UNC13C: variants seen among roughly 807,000 people sequenced by gnomAD.
UNC13C encodes unc-13 homolog C, also known as protein unc-13 homolog C.
UNC13C carries 174 observed loss-of-function variants against 245.4 expected under a neutral mutation model. The observed-to-expected ratio is 0.71, with a 90% CI of 0.63 to 0.80. The LOEUF (loss-of-function observed/expected upper bound fraction) is 0.80. Ranked by LOEUF, UNC13C falls within the 30% of genes least tolerant of loss-of-function variation. The pLI is 0.00. For synonymous variants in UNC13C, 992 were observed against 895.1 expected (o/e 1.11, Z -1.93); for missense variants, 2,829 against 2,602.9 (o/e 1.09, Z -1.89).
intron 2 of UNC13C, among the ~76,000 whole-genome samples, chr15:54,039,845 C>A (rs902414226): frequency 2.0e-5 from 3 of 151,274 alleles, no homozygotes; most frequent in African/African-American, 7.3e-5. Flanking sequence ...CCTTTCCAGC[C>A]CCCCATCCTT....
At chr15:54,125,016 A>G (rs2030940617) in intron 2 of UNC13C, among the ~76,000 whole-genome samples, 1 of 152,190 alleles carries the variant, frequency 6.6e-6, no homozygotes, top group South Asian at 2.1e-4. Context: ...ATTTACCAGT[A>G]CAACACAGTC....
chr15:54,337,640 A>T (rs1459624062), intron 16 of UNC13C, among the ~76,000 whole-genome samples: 1 of 152,158 alleles, frequency 6.6e-6, no homozygotes, highest in African/African-American at 2.4e-5. Flanking sequence ...TTGATCAAGC[A>T]TCATCTTCTC....
chr15:53,897,086 C>T, the UNC13C span, among the ~76,000 whole-genome samples: 2 of 152,226 alleles, frequency 1.3e-5, no homozygotes, highest in Admixed American at 1.3e-4. Context: ...TTTCCTCCCT[C>T]ACTTCATAAT....
intron 30 of UNC13C, among the ~76,000 whole-genome samples, chr15:54,600,687 ATCTTTC>A (rs1401414231): frequency 6.6e-6 from 1 of 152,090 alleles, no homozygotes; most frequent in African/African-American, 2.4e-5. Flanking sequence ...TTTGTTTTTT[ATCTTTC>A]TTATACAAAA....
intron 19 of UNC13C, among the ~76,000 whole-genome samples, chr15:54,460,377 T>C (rs1891769954): frequency 6.6e-6 from 1 of 152,232 alleles, no homozygotes; most frequent in African/African-American, 2.4e-5. Context: ...CTGGTTATGC[T>C]AGCAGTGAAG....
intron 4 of UNC13C, among the ~76,000 whole-genome samples, chr15:54,182,517 G>A (rs914594690): frequency 6.6e-6 from 1 of 151,980 alleles, no homozygotes; most frequent in African/African-American, 2.4e-5. Context: ...GGGTGATGCT[G>A]GCTTCATAGA....
intron 19 of UNC13C, among the ~76,000 whole-genome samples, chr15:54,424,982 T>C (rs1331206639): frequency 4.0e-5 from 6 of 151,806 alleles, no homozygotes; most frequent in Admixed American, 3.9e-4. Context: ...AAAATGCTGA[T>C]CTTAGCTTCA....
At chr15:53,860,620 C>A in the UNC13C span, among the ~76,000 whole-genome samples, 1 of 152,176 alleles carries the variant, frequency 6.6e-6, no homozygotes, top group Non-Finnish European at 1.5e-5. Flanking sequence ...TGTGAAATCT[C>A]CCAGGAGTCT....
intron 4 of UNC13C, among the ~76,000 whole-genome samples, chr15:54,147,789 C>CGTGTGTGTGT (rs56353727): frequency 0.04 from 5,865 of 147,460 alleles, 185 homozygotes; most frequent in East Asian, 0.098. Flanking sequence ...AAGGTGTGTG[C>CGTGTGTGTGT]GTGTGTGTGT....
At chr15:53,928,178 T>C in the UNC13C span, among the ~76,000 whole-genome samples, 1 of 152,152 alleles carries the variant, frequency 6.6e-6, no homozygotes, top group South Asian at 2.1e-4. Flanking sequence ...CCTTCAGAGC[T>C]GAGAGCCCCG....
At chr15:54,301,751 G>A (rs781451940) in intron 13 of UNC13C, among the ~76,000 whole-genome samples, 1 of 152,008 alleles carries the variant, frequency 6.6e-6, no homozygotes, top group Non-Finnish European at 1.5e-5. Flanking sequence ...ATAAACATAC[G>A]TGTGCATGAG....
chr15:54,621,570 G>T (rs1900798409), intron 30 of UNC13C, among the ~76,000 whole-genome samples: 1 of 152,132 alleles, frequency 6.6e-6, no homozygotes, highest in Non-Finnish European at 1.5e-5. Flanking sequence ...GTAACAAATA[G>T]CTAGAGCATG....
intron 10 of UNC13C, among the ~76,000 whole-genome samples, chr15:54,283,168 C>T (rs1030101810): frequency 1.7e-4 from 26 of 152,266 alleles, no homozygotes; most frequent in African/African-American, 6.3e-4. Context: ...AAACTGTATT[C>T]AGCTTTGAGG....
intron 19 of UNC13C, among the ~76,000 whole-genome samples, chr15:54,478,483 T>C (rs1892904434): frequency 1.4e-5 from 2 of 146,972 alleles, no homozygotes; most frequent in South Asian, 2.2e-4. Context: ...CTACTTTGAA[T>C]GTGTCTCAGG....
At chr15:53,852,505 A>T in the UNC13C span, among the ~76,000 whole-genome samples, 15 of 152,186 alleles carry the variant, frequency 9.9e-5, no homozygotes, top group African/African-American at 3.6e-4. Flanking sequence ...ACTTAAAGTC[A>T]CCCCAACATA....
chr15:54,243,398 G>C (rs138487358), intron 7 of UNC13C, among the ~76,000 whole-genome samples: 3,854 of 152,170 alleles, frequency 0.025, 159 homozygotes, highest in African/African-American at 0.089. Flanking sequence ...ATGGACATTT[G>C]GGTTGATTCC....
At chr15:54,610,994 G>C (rs1488994331) in intron 30 of UNC13C, among the ~76,000 whole-genome samples, 1 of 152,072 alleles carries the variant, frequency 6.6e-6, no homozygotes, top group Non-Finnish European at 1.5e-5. Flanking sequence ...TTTAATCTTG[G>C]CATAACTTCG....
chr15:54,514,824 G>T (rs768512006), intron 24 of UNC13C, among the ~76,000 whole-genome samples: 5 of 152,152 alleles, frequency 3.3e-5, no homozygotes, highest in African/African-American at 4.8e-5. Flanking sequence ...ACACCATGAT[G>T]ATCGTGGGAT....
rs1007395653 is a variant in UNC13C, at chr15:54,333,815, A to G, written c.4543A>G (p.Thr1515Ala). The part of the protein sequence containing the change: ...NTERLQDLKS[T>A]VDLLTSITFF... ...TGAAAGACTGCAAGACCTGAAATCA[A>G]CTGTTGACCTGTTAACAAGTATCAC... The change falls in exon 16 of 33, where the codon ACT becomes GCT. Residue 1515 changes from threonine (T) to alanine (A), a missense_variant. By Grantham distance (58) the Thr-to-Ala change is moderately conservative. Coordinates refer to ENST00000260323, the MANE Select transcript of UNC13C (RefSeq NM_001080534.3). The G allele has an allele frequency of 3.1e-6, 5 of 1,607,168 alleles. No homozygotes were observed. Among genetic ancestry groups the G allele is most frequent in the African/African-American group, 2.7e-5 (2 of 74,822 alleles).
Sources: gnomAD v4.1 joint callset for allele counts (sites outside exome capture counted in the v4.1 genomes callset) on GRCh38, gnomAD v4.1.1 for gene constraint, MANE v1.5 for transcripts, NCBI Gene and HGNC (gene_info 2026-07-23, HGNC 2026-07-21) for gene names.